ARMC3: variants seen among roughly 807,000 people sequenced by gnomAD.
ARMC3 encodes armadillo repeat-containing protein 3.
In ARMC3, 74 loss-of-function variants were observed where a neutral mutation model predicts 90.3. That is an observed-to-expected ratio of 0.82 (90% CI 0.68 to 0.99). The LOEUF (loss-of-function observed/expected upper bound fraction) is 0.99. Ranked by LOEUF, ARMC3 falls within the 50% of genes least tolerant of loss-of-function variation. The pLI, the probability that ARMC3 is intolerant of heterozygous loss-of-function variation, is 0.00. For missense variants in ARMC3, 958 were observed against 1,042.8 expected (o/e 0.92, Z 1.12); for synonymous variants, 334 against 361.8 (o/e 0.92, Z 0.87).
At chr10:23,023,524 T>C (rs1838593261) in intron 16 of ARMC3, among the ~76,000 whole-genome samples, 1 of 152,088 alleles carries the variant, frequency 6.6e-6, no homozygotes, top group South Asian at 2.1e-4. Flanking sequence ...TGAAGATAAA[T>C]CAGTTGTTGG....
chr10:22,962,606 T>G (rs1023217065), intron 7 of ARMC3, among the ~76,000 whole-genome samples: 1 of 152,208 alleles, frequency 6.6e-6, no homozygotes, highest in Admixed American at 6.5e-5. Context: ...AATTCCTTAG[T>G]GAAACAGTAA....
Position 22,998,376 on chromosome 10 carries a change from T to G in ARMC3, c.1404T>G (p.Cys468Trp). 1 of 1,614,188 alleles carries G rather than the reference T, an allele frequency of 6.2e-7. No homozygotes were observed. The highest frequency in any genetic ancestry group is 1.1e-5 in the South Asian group (1 of 91,080). Residue 468 changes from cysteine (C) to tryptophan (W), a missense_variant, in exon 11 of 19, where the codon TGT (cysteine) becomes TGG (tryptophan). Coordinates refer to ENST00000298032, the MANE Select transcript of ARMC3 (RefSeq NM_173081.5). ...CTCTCGCTGTCACCGCAACTGCGTG[T>G]GACGTTGAAGCCCGGACTGAGGTGA... Reference protein sequence around the residue: ...KAALAVTATACDVEARTELRN... With the variant: ...KAALAVTATAWDVEARTELRN...
At chr10:22,977,608 C>G (rs1835989359) in intron 8 of ARMC3, among the ~76,000 whole-genome samples, 2 of 152,238 alleles carry the variant, frequency 1.3e-5, no homozygotes, top group African/African-American at 4.8e-5. Flanking sequence ...CTTCCTCCAT[C>G]CCTTCTGACA....
intron 12 of ARMC3, 41 bp downstream of exon 12, chr10:23,002,096 G>A (rs1189352612): frequency 1.2e-6 from 2 of 1,603,452 alleles, no homozygotes; most frequent in Admixed American, 1.7e-5. Flanking sequence ...CAGATGAAGA[G>A]CAGAAGACGG....
rs1021764800 is a variant in ARMC3, at chr10:23,014,104, C to T, written c.2045+5173C>T. The T allele has an allele frequency of 9.0e-6, 14 of 1,550,196 alleles. No individual in the cohort carries two copies. In the African/African-American group the frequency reaches 1.8e-4, roughly 20 times the overall value. The stretch of plus-strand genomic sequence containing the variant: ...TTCCTCTGCACATTCTGGCAGCTCA[C>T]TCCCCACTTCAAGATAAACCCTGAA... On this transcript the variant is annotated intron_variant, in intron 16 of 18. Coordinates refer to ENST00000298032, the MANE Select transcript of ARMC3 (RefSeq NM_173081.5).
chr10:22,975,525 A>G (rs1341165669), intron 8 of ARMC3, among the ~76,000 whole-genome samples: 3 of 152,210 alleles, frequency 2.0e-5, no homozygotes, highest in Non-Finnish European at 4.4e-5. Context: ...AGATCGCACC[A>G]TCGCACTCCA....
intron 4 of ARMC3, among the ~76,000 whole-genome samples, chr10:22,958,316 A>G (rs1835038037): frequency 6.6e-6 from 1 of 152,202 alleles, no homozygotes; most frequent in South Asian, 2.1e-4. Flanking sequence ...CTAATAATCA[A>G]ATTGAATGTA....
At position 22,998,334 on chromosome 10, in the gene ARMC3, C is replaced by T. The variant is rs777334371; in HGVS notation, c.1362C>T (p.Val454=). Residue 454 remains valine, a synonymous_variant, in exon 11 of 19, where the codon GTC becomes GTT. Transcript: ENST00000298032. ...IISPLRSANT[V]VQSKAALAVT... The stretch of plus-strand genomic sequence containing the variant: ...GCCCACTGCGTTCTGCAAACACAGT[C>T]GTGCAGAGCAAAGCTGCTCTCGCTG... 3.7e-6 allele frequency: 6 copies of T among 1,613,790 alleles called. No individual in the cohort carries two copies. The Admixed American group carries it at 5.0e-5, about 13-fold the overall frequency.
Position 22,962,048 on chromosome 10 carries a change from G to A in ARMC3, c.702G>A (p.Leu234=). 2 of 1,591,152 alleles carry A rather than the reference G, an allele frequency of 1.3e-6. No homozygotes were observed. Among genetic ancestry groups the A allele is most frequent in the Non-Finnish European group, 1.7e-6 (2 of 1,170,842 alleles). Residue 234 remains leucine, a synonymous_variant, in exon 7 of 19, where the codon TTG becomes TTA. Coordinates refer to ENST00000298032, the MANE Select transcript of ARMC3 (RefSeq NM_173081.5). Reference sequence around the variant, plus strand: ...CAATGCTAAGAGACAATCAAGGATTGGACCATCTTATTAAGATCCTAGAAA... The same window carrying A: ...CAATGCTAAGAGACAATCAAGGATTAGACCATCTTATTAAGATCCTAGAAA... ...SRTMLRDNQG[L]DHLIKILETK...
Position 23,030,621 on chromosome 10 carries a change from G to T in ARMC3, c.2071G>T (p.Glu691Ter). The change falls in exon 17 of 19, where the codon GAA becomes TAA. Residue 691 changes from glutamate to a stop codon, truncating the protein, a stop_gained. Coordinates refer to ENST00000298032, the MANE Select transcript of ARMC3 (RefSeq NM_173081.5). LOFTEE classifies it high-confidence loss of function. Reference sequence around the variant, plus strand: ...GAAAAGCAAAGGAAAAAAAGAAGAGGAAAAAGTGAAAGAGGAGGAAGAGGT... The same window carrying T: ...GAAAAGCAAAGGAAAAAAAGAAGAGTAAAAAGTGAAAGAGGAGGAAGAGGT... Reference protein sequence around the residue: ...WRKSKGKKEEEKVKEEEEVMV... With the variant: ...WRKSKGKKEE 1.2e-6 allele frequency: 2 copies of T among 1,613,360 alleles called. No individual in the cohort carries two copies. The highest frequency in any genetic ancestry group is 1.7e-6 in the Non-Finnish European group (2 of 1,179,676).
chr10:23,008,795 G>T lies in ARMC3; in HGVS notation c.1929-20G>T. The T allele has an allele frequency of 1.3e-6, 2 of 1,581,462 alleles. No homozygotes were observed. The highest frequency in any genetic ancestry group is 1.7e-6 in the Non-Finnish European group (2 of 1,152,956). ...TTCCATATGATTGAAATTGGTTGTG[G>T]TTTTTTTTCAAATGACAAGAAAAAA... On this transcript the variant is annotated intron_variant, in intron 15 of 18. Transcript: ENST00000298032.
chr10:22,930,373 A>G (rs552638742), intron 1 of ARMC3, among the ~76,000 whole-genome samples: 95 of 152,332 alleles, frequency 6.2e-4, no homozygotes, highest in Non-Finnish European at 1.2e-3. Context: ...ACATTTGAAA[A>G]CAATTTTCTC....
chr10:22,938,965 A>G (rs1834216873), intron 2 of ARMC3, among the ~76,000 whole-genome samples: 1 of 152,196 alleles, frequency 6.6e-6, no homozygotes, highest in Admixed American at 6.5e-5. Context: ...TAAAACTCTC[A>G]AGAAGTCCTG....
chr10:22,948,704 C>A (rs1834629799), intron 3 of ARMC3, among the ~76,000 whole-genome samples: 1 of 151,780 alleles, frequency 6.6e-6, no homozygotes, highest in African/African-American at 2.4e-5. Flanking sequence ...AGATTTTTGA[C>A]TTTAGAGAGC....
chr10:22,949,435 C>G (rs1834656056), intron 3 of ARMC3, among the ~76,000 whole-genome samples: 1 of 152,174 alleles, frequency 6.6e-6, no homozygotes, highest in Non-Finnish European at 1.5e-5. Flanking sequence ...GATCCAAATA[C>G]AACTTCTAGA....
intron 8 of ARMC3, among the ~76,000 whole-genome samples, chr10:22,975,997 C>A (rs1206207622): frequency 6.6e-6 from 1 of 152,204 alleles, no homozygotes; most frequent in African/African-American, 2.4e-5. Context: ...GTGCCCTTTG[C>A]CTGTTTTCCC....
chr10:23,011,451 C>T (rs973205076), intron 16 of ARMC3, among the ~76,000 whole-genome samples: 1 of 152,222 alleles, frequency 6.6e-6, no homozygotes, highest in Non-Finnish European at 1.5e-5. Flanking sequence ...ACATGGTAAA[C>T]ACTCAACCAG....
intron 6 of ARMC3, chr10:22,961,339 T>C (rs1419539172): frequency 6.6e-6 from 1 of 152,328 alleles, no homozygotes; most frequent in Non-Finnish European, 1.5e-5. Context: ...CACAGAATCA[T>C]AGACATAGAG....
chr10:22,994,520 A>C (rs1356789232), intron 10 of ARMC3, among the ~76,000 whole-genome samples: 1 of 152,236 alleles, frequency 6.6e-6, no homozygotes, highest in Non-Finnish European at 1.5e-5. Context: ...CAACGTAGCA[A>C]GACTCCATCT....
Sources: allele counts gnomAD v4.1 joint callset (sites outside exome capture counted in the v4.1 genomes callset), GRCh38; gene constraint gnomAD v4.1.1; transcripts MANE v1.5; gene names NCBI Gene and HGNC (gene_info 2026-07-23, HGNC 2026-07-21).